The following VSTM4 variants were observed in gnomAD, a reference collection of about 807,000 sequenced individuals.
VSTM4 encodes the protein V-set and transmembrane domain-containing protein 4.
VSTM4 carries 20 observed loss-of-function variants against 36.4 expected under a neutral mutation model. That is an observed-to-expected ratio of 0.55 (90% confidence interval 0.39 to 0.80). The LOEUF is 0.80. VSTM4 is among the 30% of genes least tolerant of loss of function. The pLI is 0.00. For synonymous variants in VSTM4, 182 were observed against 173.9 expected (o/e 1.05, Z -0.37); for missense variants, 392 against 404.5 (o/e 0.97, Z 0.26).
chr10:49,094,661 A>G (rs140246350), intron 2 of VSTM4, among the ~76,000 whole-genome samples: 2 of 152,328 alleles, frequency 1.3e-5, no homozygotes, highest in African/African-American at 4.8e-5. Flanking sequence ...ATTCAAATTC[A>G]ATGTATTCAG....
Position 49,015,351 on chromosome 10 carries a change from G to C in VSTM4, c.*4299C>G, listed in dbSNP as rs1234637799. The C allele has an allele frequency of 6.6e-6, 1 of 152,108 alleles. No individual in the cohort carries two copies. The highest frequency in any genetic ancestry group is 2.4e-5 in the African/African-American group (1 of 41,408). The allele number at this position is 152,108 out of a possible 1,614,324, so 9.4% of individuals were successfully genotyped here. ...TTAGCCAGGATGGTCTCGATCTCCT[G>C]ACCTCATGATCCGCCCGCCTCAGCC... On this transcript the variant is annotated 3_prime_UTR_variant, in exon 8 of 8. Coordinates refer to ENST00000332853, the MANE Select transcript of VSTM4 (RefSeq NM_001031746.5).
rs1361058735 is a variant in VSTM4 at position 49,017,998 on chromosome 10, G to C, written c.*1652C>G. 3 of 152,206 alleles carry C rather than the reference G, an allele frequency of 2.0e-5. No homozygotes were observed. Among genetic ancestry groups the C allele is most frequent in the African/African-American group, 7.2e-5 (3 of 41,442 alleles). The allele number at this position is 152,206 out of a possible 1,614,324, so 9.4% of individuals were successfully genotyped here. The stretch of plus-strand genomic sequence containing the variant: ...GCCTTCGAGATCTGGCAGAGAGGGA[G>C]GAATGAGACACAGGTGTTATCCAGA... On this transcript the variant is annotated 3_prime_UTR_variant, in exon 8 of 8. Coordinates refer to ENST00000332853, the MANE Select transcript of VSTM4 (RefSeq NM_001031746.5).
intron 2 of VSTM4, among the ~76,000 whole-genome samples, chr10:49,095,110 C>A (rs762992025): frequency 6.6e-6 from 1 of 152,082 alleles, no homozygotes; most frequent in Non-Finnish European, 1.5e-5. Context: ...GCAAGGCGGT[C>A]GGAAAAGAAG....
chr10:49,091,105 G>T (rs1018061483), intron 2 of VSTM4, among the ~76,000 whole-genome samples: 3 of 152,246 alleles, frequency 2.0e-5, no homozygotes, highest in Admixed American at 6.5e-5. Flanking sequence ...GCTGTTATCG[G>T]AACTAAAGTG....
At chr10:49,043,925 A>T (rs976788333) in intron 7 of VSTM4, among the ~76,000 whole-genome samples, 2 of 152,194 alleles carry the variant, frequency 1.3e-5, no homozygotes, top group Non-Finnish European at 2.9e-5. Context: ...GGCTATTTGT[A>T]TATCTTCTTT....
chr10:49,040,022 C>T (rs1023680533), intron 7 of VSTM4, among the ~76,000 whole-genome samples: 22 of 152,204 alleles, frequency 1.4e-4, no homozygotes, highest in Admixed American at 4.6e-4. Flanking sequence ...TTAGCTCCTA[C>T]GGCCCCAGGA....
intron 4 of VSTM4, among the ~76,000 whole-genome samples, chr10:49,075,931 C>A (rs1428539773): frequency 6.6e-6 from 1 of 152,178 alleles, no homozygotes; most frequent in African/African-American, 2.4e-5. Context: ...CAGCTGCCTC[C>A]TGGTTTGTCA....
chr10:49,085,430 A>G (rs904405973), intron 3 of VSTM4, among the ~76,000 whole-genome samples: 8 of 152,354 alleles, frequency 5.3e-5, no homozygotes, highest in East Asian at 1.9e-4. Flanking sequence ...TAGAACCCCA[A>G]ACTCCTTAAG....
intron 2 of VSTM4, chr10:49,103,776 T>G: frequency 1.2e-6 from 2 of 1,614,060 alleles, no homozygotes; most frequent in Non-Finnish European, 1.7e-6. Context: ...CATGGTTAAG[T>G]CTGCGGTGAA....
chr10:49,085,781 C>T (rs566608022), intron 3 of VSTM4, among the ~76,000 whole-genome samples, 174 bp downstream of exon 3: 2 of 152,120 alleles, frequency 1.3e-5, no homozygotes, highest in African/African-American at 4.8e-5. Context: ...AGGAGATATA[C>T]CTAATGTAAA....
intron 7 of VSTM4, among the ~76,000 whole-genome samples, chr10:49,039,497 A>C (rs1008954770): frequency 6.6e-6 from 1 of 152,114 alleles, no homozygotes; most frequent in African/African-American, 2.4e-5. Context: ...GCAGTGATTA[A>C]GCCTGTGGTG....
At chr10:49,045,615 G>A (rs140890822) in intron 7 of VSTM4, among the ~76,000 whole-genome samples, 4 of 152,168 alleles carry the variant, frequency 2.6e-5, no homozygotes, top group African/African-American at 9.7e-5. Flanking sequence ...CCTTCTGGAG[G>A]TGGAGCTCAA....
chr10:49,093,773 A>T (rs1590125255), intron 2 of VSTM4, among the ~76,000 whole-genome samples: 2 of 101,292 alleles, frequency 2.0e-5, no homozygotes, highest in Non-Finnish European at 1.8e-5. Context: ...TTTGAGATGG[A>T]GTCTTGCTTC....
At chr10:49,022,362 C>A (rs958303036) in intron 7 of VSTM4, among the ~76,000 whole-genome samples, 1 of 152,098 alleles carries the variant, frequency 6.6e-6, no homozygotes, top group Non-Finnish European at 1.5e-5. Context: ...AACTAAACCA[C>A]CTTCATTCAA....
intron 3 of VSTM4, among the ~76,000 whole-genome samples, chr10:49,081,397 T>C (rs1039132402): frequency 1.3e-5 from 2 of 152,230 alleles, no homozygotes; most frequent in African/African-American, 2.4e-5. Flanking sequence ...AAAGCTTCCA[T>C]GCCCATGGAG....
chr10:49,063,736 C>T (rs1843922961), intron 5 of VSTM4, among the ~76,000 whole-genome samples: 1 of 152,230 alleles, frequency 6.6e-6, no homozygotes, highest in South Asian at 2.1e-4. Flanking sequence ...AGAAGCCTCA[C>T]ACCCATGGAG....
At chr10:49,103,668 G>A in intron 2 of VSTM4, 2 of 1,576,844 alleles carry the variant, frequency 1.3e-6, no homozygotes, top group Non-Finnish European at 1.7e-6. Context: ...TCATGACAGG[G>A]AAATGAGGAG....
intron 2 of VSTM4, among the ~76,000 whole-genome samples, chr10:49,104,114 C>T (rs1041523371): frequency 6.6e-6 from 1 of 152,138 alleles, no homozygotes; most frequent in African/African-American, 2.4e-5. Flanking sequence ...GCCTGGCCAA[C>T]ATGGAGAAAC....
At chr10:49,077,432 A>G in intron 3 of VSTM4, 106 bp from the exon 4 acceptor site, 2 of 1,004,742 alleles carry the variant, frequency 2.0e-6, no homozygotes, top group Non-Finnish European at 3.0e-6. Flanking sequence ...CCAGTGCTAC[A>G]GTCAACAAGG....
Sources: gnomAD v4.1 joint callset for allele counts (sites outside exome capture counted in the v4.1 genomes callset) on GRCh38, gnomAD v4.1.1 for gene constraint, MANE v1.5 for transcripts, NCBI Gene and HGNC (gene_info 2026-07-23, HGNC 2026-07-21) for gene names.